DMD: variants seen among roughly 807,000 people sequenced by gnomAD.
DMD encodes the protein dystrophin.
DMD carries 63 observed loss-of-function variants against 330.1 expected under a neutral mutation model. The ratio of observed to expected loss-of-function variants is 0.19; its 90% CI spans 0.16 to 0.24. The LOEUF (loss-of-function observed/expected upper bound fraction) is 0.24. DMD is among the 10% of genes least tolerant of loss of function. The pLI, the probability that DMD is intolerant of heterozygous loss-of-function variation, is 1.00. For missense variants in DMD, 3,344 were observed against 2,684.1 expected (o/e 1.25, Z -5.43); for synonymous variants, 1,223 against 959.8 (o/e 1.27, Z -5.07).
intron 60 of DMD, among the ~76,000 whole-genome samples, chrX:31,413,595 T>C (rs942017179): frequency 8.9e-6 from 1 of 112,045 alleles, no homozygotes; most frequent in African/African-American, 3.2e-5. Flanking sequence ...TAGGGGGCAC[T>C]ATTTATGGAG....
intron 51 of DMD, among the ~76,000 whole-genome samples, chrX:31,757,306 G>A (rs2089196365): frequency 9.0e-6 from 1 of 111,151 alleles, no homozygotes; most frequent in Non-Finnish European, 1.9e-5. Context: ...TTTCCTGCTA[G>A]TCCCTATTTG....
At chrX:32,336,555 G>A (rs992200456) in intron 41 of DMD, among the ~76,000 whole-genome samples, 3 of 111,225 alleles carry the variant, frequency 2.7e-5, no homozygotes, top group Non-Finnish European at 5.7e-5. Flanking sequence ...TCTTTCCTTA[G>A]TATGCCTACT....
Position 32,491,265 on chromosome X carries a change from A to C in DMD, c.2622+12T>G, listed in dbSNP as rs1490957693. 2.5e-6 allele frequency: 3 copies of C among 1,209,721 alleles called. No homozygotes were observed. Among genetic ancestry groups the C allele is most frequent in the East Asian group, 5.9e-5 (2 of 33,777 alleles). On this transcript the variant is annotated intron_variant, in intron 20 of 78. Coordinates refer to ENST00000357033, the MANE Select transcript of DMD (RefSeq NM_004006.3). ...TGATTATGCTCCAAATGGAAGGAGAAGAGATTCTTACCTTACAAATTTTTA... is the reference window on the plus strand; with the variant it reads ...TGATTATGCTCCAAATGGAAGGAGACGAGATTCTTACCTTACAAATTTTTA...
rs180758828 is a variant in DMD at position 31,202,764 on chromosome X, C to A, written c.9807+1197G>T. 9.6e-3 allele frequency among the ~76,000 whole-genome samples: 1,073 copies of A among 111,759 alleles called. 16 individuals carry two copies. The highest frequency in any genetic ancestry group is 0.033 in the African/African-American group (1,018 of 30,736). On this transcript the variant is annotated intron_variant, in intron 67 of 78. Transcript: ENST00000357033. ...AAACAGCTCTTAGCACTTGAAAAAA[C>A]CAAAAACAAAAACATAAGAACACTG...
At chrX:32,246,047 C>T (rs1165867619) in intron 43 of DMD, among the ~76,000 whole-genome samples, 1 of 90,733 alleles carries the variant, frequency 1.1e-5, no homozygotes, top group Non-Finnish European at 2.2e-5. Flanking sequence ...TGCCAGTTTT[C>T]AAAGGGAATG....
intron 7 of DMD, among the ~76,000 whole-genome samples, chrX:32,710,195 G>C: frequency 9.2e-6 from 1 of 109,122 alleles, no homozygotes; most frequent in East Asian, 2.9e-4. Context: ...CCACTCTCTT[G>C]TGAGTTAAGA....
chrX:31,243,901 A>G (rs776624965), intron 63 of DMD, among the ~76,000 whole-genome samples: 11 of 112,643 alleles, frequency 9.8e-5, no homozygotes, highest in Non-Finnish European at 1.7e-4. Context: ...ACGACTATGG[A>G]AATAATTATC....
At chrX:31,532,421 G>C (rs1220157452) in intron 55 of DMD, among the ~76,000 whole-genome samples, 1 of 14,364 alleles carries the variant, frequency 7.0e-5, no homozygotes, top group South Asian at 6.4e-3. Flanking sequence ...ATACTTTATA[G>C]ACAAGCAAAT....
chrX:32,375,521 TTA>T (rs748083208), intron 34 of DMD, among the ~76,000 whole-genome samples: 1 of 112,151 alleles, frequency 8.9e-6, no homozygotes, highest in Non-Finnish European at 1.9e-5. Flanking sequence ...TCTTATGTTC[TTA>T]TATGTGATTT....
chrX:31,835,343 G>C (rs1195914238), intron 49 of DMD, among the ~76,000 whole-genome samples: 1 of 111,850 alleles, frequency 8.9e-6, no homozygotes, highest in Non-Finnish European at 1.9e-5. Flanking sequence ...TTTGTGCACT[G>C]CATGGCTTGC....
chrX:32,113,580 G>A (rs956786158), intron 44 of DMD, among the ~76,000 whole-genome samples: 2 of 111,674 alleles, frequency 1.8e-5, no homozygotes, highest in Non-Finnish European at 3.8e-5. Flanking sequence ...CTATTTCCAG[G>A]CAACAGAGTG....
chrX:33,099,978 T>C (rs1210211733), intron 1 of DMD, among the ~76,000 whole-genome samples: 1 of 111,968 alleles, frequency 8.9e-6, no homozygotes, highest in African/African-American at 3.2e-5. Context: ...CAAAATTACA[T>C]AATAGCTCTA....
chrX:31,134,640 C>G (rs946269064), intron 76 of DMD, among the ~76,000 whole-genome samples: 31 of 111,519 alleles, frequency 2.8e-4, no homozygotes, highest in Non-Finnish European at 5.3e-4. Flanking sequence ...CCAGGCTGGT[C>G]TCGAACTCCT....
At chrX:33,113,951 A>G (rs1237345199) in intron 1 of DMD, among the ~76,000 whole-genome samples, 5 of 110,693 alleles carry the variant, frequency 4.5e-5, no homozygotes, top group Non-Finnish European at 9.4e-5. Flanking sequence ...TACCCCTCAA[A>G]ATGGTTAAGA....
Position 32,844,873 on chromosome X carries a change from C to A in DMD, c.187-13G>T. The A allele has an allele frequency of 8.4e-7, 1 of 1,189,056 alleles. No homozygotes were observed. Among genetic ancestry groups the A allele is most frequent in the Non-Finnish European group, 1.1e-6 (1 of 875,074 alleles). ...CTTTTTCTTTTGGCTGAGAACAAAA[C>A]AAAAGAGTGTTCACTGACCAGCAGA... On this transcript the variant is annotated splice_polypyrimidine_tract_variant and intron_variant, in intron 3 of 78. Coordinates refer to ENST00000357033, the MANE Select transcript of DMD (RefSeq NM_004006.3).
At chrX:32,957,155 T>C (rs990314827) in intron 2 of DMD, among the ~76,000 whole-genome samples, 1 of 111,699 alleles carries the variant, frequency 9.0e-6, no homozygotes, top group Non-Finnish European at 1.9e-5. Context: ...AAAGAGGGTG[T>C]TCTGGGCACC....
chrX:32,057,333 T>C (rs2096184688), intron 44 of DMD, among the ~76,000 whole-genome samples: 1 of 111,011 alleles, frequency 9.0e-6, no homozygotes, highest in Non-Finnish European at 1.9e-5. Context: ...AAATTATATC[T>C]GTTTGCAAAT....
chrX:32,002,986 A>C (rs949887549), intron 44 of DMD, among the ~76,000 whole-genome samples: 1 of 111,545 alleles, frequency 9.0e-6, no homozygotes, highest in Non-Finnish European at 1.9e-5. Context: ...TGTGATCCAT[A>C]GTTTGGAAGT....
chrX:32,690,900 A>T (rs894837951), intron 9 of DMD, among the ~76,000 whole-genome samples: 5 of 111,696 alleles, frequency 4.5e-5, no homozygotes, highest in Non-Finnish European at 9.4e-5. Flanking sequence ...AGAAGAAAAC[A>T]TTGGAAAAAT....
Sources: gnomAD v4.1 joint callset for allele counts (sites outside exome capture counted in the v4.1 genomes callset) on GRCh38, gnomAD v4.1.1 for gene constraint, MANE v1.5 for transcripts, NCBI Gene and HGNC (gene_info 2026-07-23, HGNC 2026-07-21) for gene names.